CCDC83: variants seen among roughly 807,000 people sequenced by gnomAD.
CCDC83 encodes coiled-coil domain-containing protein 83.
Under a neutral mutation model 50.1 loss-of-function variants are expected in CCDC83, and 54 were observed. The observed-to-expected ratio is 1.08, with a 90% CI of 0.87 to 1.35. CCDC83 has a LOEUF of 1.35. Ranked by LOEUF, CCDC83 falls within the 40% of genes most tolerant of loss-of-function variation. The pLI is 0.00. For synonymous variants in CCDC83, 161 were observed against 153.3 expected (o/e 1.05, Z -0.37); for missense variants, 518 against 473.9 (o/e 1.09, Z -0.86).
chr11:85,919,225 A>G, intron 10 of CCDC83, 124 bp from the exon 11 acceptor site: 1 of 832,388 alleles, frequency 1.2e-6, no homozygotes. Context: ...ACACAGCATC[A>G]GGCAATTAGG....
At chr11:85,905,650 C>T (rs1237276357) in intron 7 of CCDC83, among the ~76,000 whole-genome samples, 1 of 150,398 alleles carries the variant, frequency 6.6e-6, no homozygotes, top group Non-Finnish European at 1.5e-5. Context: ...AATTTTAAAA[C>T]CTCAAGGTGA....
In CCDC83 at chr11:85,911,363, A is replaced by C. The variant is rs761771100; in HGVS notation, c.755A>C (p.Gln252Pro). The C allele has an allele frequency of 6.2e-7, 1 of 1,611,586 alleles. No individual in the cohort carries two copies. The highest frequency in any genetic ancestry group is 8.5e-7 in the Non-Finnish European group (1 of 1,178,970). Residue 252 changes from glutamine to proline, a missense_variant, in exon 8 of 11, where the codon CAA becomes CCA. Physicochemically the swap from Gln to Pro is moderately conservative, Grantham distance 76. Coordinates refer to ENST00000342404, the MANE Select transcript of CCDC83 (RefSeq NM_001286159.2). ...GCAGAAAATTTGGTGCTTATTGATC[A>C]ACTATCCAACTGTAGACTTGTGGAT... ...LEAENLVLIDQLSNCRLVDLK... is the reference protein window; with the variant it reads ...LEAENLVLIDPLSNCRLVDLK...
rs71468972 is a variant in CCDC83, at chr11:85,909,609, C to CTTTTTTT, written c.673-1647_673-1641dup. Among the ~76,000 whole-genome samples the CTTTTTTT allele has an allele frequency of 1.0e-3, 58 of 57,724 alleles. 9 individuals carry two copies. Among genetic ancestry groups the CTTTTTTT allele is most frequent in the African/African-American group, 2.5e-3 (34 of 13,838 alleles). 37.9% of individuals were successfully genotyped at this position (57,724 alleles called of 152,430 possible). A position where few individuals can be genotyped will look rare whatever the true frequency, so the allele number is the denominator to read the frequency against. On this transcript the variant is annotated intron_variant, in intron 7 of 10. Coordinates refer to ENST00000342404, the MANE Select transcript of CCDC83 (RefSeq NM_001286159.2). ...TTTGGACAAAAGTCATCAAAATACA[C>CTTTTTTT]TTTTTTTTTTTTTTTTTTTTTTTTT...
rs59315254 is a variant in CCDC83 at position 85,912,868 on chromosome 11, G to T, written c.794+1466G>T. 3 of 672,968 alleles carry T rather than the reference G, an allele frequency of 4.5e-6. No homozygotes were observed. In the South Asian group the frequency reaches 5.2e-5, roughly 12 times the overall value. 41.7% of individuals were successfully genotyped at this position (672,968 alleles called of 1,614,324 possible). A position where few individuals can be genotyped will look rare whatever the true frequency, so the allele number is the denominator to read the frequency against. On this transcript the variant is annotated intron_variant, in intron 8 of 10. Transcript: ENST00000342404. ...CCGTGTCTCTACCTGGATCAACTCAGTCTGGTATATTTGATTTTGTTCTGA... is the reference window on the plus strand; with the variant it reads ...CCGTGTCTCTACCTGGATCAACTCATTCTGGTATATTTGATTTTGTTCTGA...
rs1457152322 is a variant in CCDC83 at position 85,916,240 on chromosome 11, T to G, written c.1080+7T>G. 6.3e-7 allele frequency: 1 copy of G among 1,580,904 alleles called. No homozygotes were observed. The highest frequency in any genetic ancestry group is 8.7e-7 in the Non-Finnish European group (1 of 1,155,716). On this transcript the variant is annotated splice_region_variant and intron_variant, in intron 10 of 10. Coordinates refer to ENST00000342404, the MANE Select transcript of CCDC83 (RefSeq NM_001286159.2). Reference sequence around the variant, plus strand: ...GGATGAGAAGGATTTCAAGGTAAGATTCATAACAACACAACTTTGACTACT... The same window carrying G: ...GGATGAGAAGGATTTCAAGGTAAGAGTCATAACAACACAACTTTGACTACT...
At chr11:85,897,573 G>A (rs1303986829) in intron 6 of CCDC83, among the ~76,000 whole-genome samples, 1 of 152,118 alleles carries the variant, frequency 6.6e-6, no homozygotes, top group Non-Finnish European at 1.5e-5. Flanking sequence ...ATATTGCCCT[G>A]GGATGTTGTG....
intron 5 of CCDC83, among the ~76,000 whole-genome samples, chr11:85,888,861 T>C (rs1240758823): frequency 6.6e-6 from 1 of 152,256 alleles, no homozygotes; most frequent in African/African-American, 2.4e-5. Context: ...CATATATATC[T>C]GAATCTTATT....
chr11:85,869,856 G>A (rs2093227590), intron 2 of CCDC83, among the ~76,000 whole-genome samples: 1 of 152,218 alleles, frequency 6.6e-6, no homozygotes, highest in African/African-American at 2.4e-5. Flanking sequence ...ACCTTTTCAT[G>A]AAGCCAGAGA....
rs191408376 is a variant in CCDC83 at position 85,900,170 on chromosome 11, G to A, written c.672+1155G>A. 1.8e-4 allele frequency among the ~76,000 whole-genome samples: 27 copies of A among 152,244 alleles called. No homozygotes were observed. The East Asian group carries it at 5.0e-3, about 28-fold the overall frequency. On this transcript the variant is annotated intron_variant, in intron 7 of 10. Transcript: ENST00000342404. ...GTGTGTGCTATAGATGGTGGGAATG[G>A]GAACTGGAGCAGAAAACAAGAGGGT... is the stretch of plus-strand genomic sequence containing the variant.
chr11:85,862,095 T>C (rs1355782504), intron 1 of CCDC83, among the ~76,000 whole-genome samples: 2 of 151,658 alleles, frequency 1.3e-5, no homozygotes, highest in East Asian at 1.9e-4. Flanking sequence ...ATACACTGTG[T>C]GTTCTATAGG....
At position 85,919,420 on chromosome 11, in the gene CCDC83, T is replaced by C. The variant is rs1229413879; in HGVS notation, c.1152T>C (p.Phe384=). 3.2e-5 allele frequency: 52 copies of C among 1,613,624 alleles called. No individual in the cohort carries two copies. The highest frequency in any genetic ancestry group is 4.3e-5 in the Non-Finnish European group (51 of 1,179,712). ...AGAGCAAGAAAATGCCCATTCATTT[T>C]CAAGAGAAGGAAATTCCAGTCAAAC... The part of the protein sequence containing the change: ...SVESKKMPIH[F]QEKEIPVKLY... Residue 384 remains phenylalanine (F), a synonymous_variant, in exon 11 of 11, where the codon TTT becomes TTC. Transcript: ENST00000342404.
chr11:85,919,501 T>C lies in CCDC83; in HGVS notation c.1233T>C (p.Ser411=), dbSNP rs755500738. Reference sequence around the variant, plus strand: ...ACATCACATATAAGATGATGAAGTCTTTTCTCTAAGACGGAAAGCTGCAAA... The same window carrying C: ...ACATCACATATAAGATGATGAAGTCCTTTCTCTAAGACGGAAAGCTGCAAA... ...ESHITYKMMK[S]FL is the part of the protein sequence containing the mutation. The change falls in exon 11 of 11, where the codon TCT becomes TCC. Residue 411 remains serine, a synonymous_variant. Coordinates refer to ENST00000342404, the MANE Select transcript of CCDC83 (RefSeq NM_001286159.2). 1 of 1,606,266 alleles carries C rather than the reference T, an allele frequency of 6.2e-7. No homozygotes were observed. Among genetic ancestry groups the C allele is most frequent in the South Asian group, 1.1e-5 (1 of 89,502 alleles).
At chr11:85,884,433 C>G (rs2093316700) in intron 4 of CCDC83, among the ~76,000 whole-genome samples, 1 of 152,116 alleles carries the variant, frequency 6.6e-6, no homozygotes, top group South Asian at 2.1e-4. Context: ...TGACAAGATC[C>G]CAGGGGATTC....
intron 2 of CCDC83, among the ~76,000 whole-genome samples, chr11:85,870,373 G>T (rs988112049): frequency 6.6e-6 from 1 of 152,202 alleles, no homozygotes; most frequent in Admixed American, 6.5e-5. Flanking sequence ...CTCTACCCAT[G>T]TAAAGAAGTA....
At chr11:85,914,637 G>C (rs1225197813) in intron 8 of CCDC83, among the ~76,000 whole-genome samples, 1 of 152,176 alleles carries the variant, frequency 6.6e-6, no homozygotes, top group African/African-American at 2.4e-5. Context: ...GACCTGACTA[G>C]TGCCATGCTC....
intron 7 of CCDC83, among the ~76,000 whole-genome samples, chr11:85,905,178 C>G (rs1034393296): frequency 6.6e-6 from 1 of 151,570 alleles, no homozygotes; most frequent in South Asian, 2.1e-4. Context: ...CGCAGTGGCT[C>G]ACACCTGTAA....
At chr11:85,911,196 AG>A (rs2093451980) in intron 7 of CCDC83, 84 bp from the exon 8 acceptor site, 5 of 1,153,916 alleles carry the variant, frequency 4.3e-6, no homozygotes, top group East Asian at 3.0e-5. Context: ...AAAAAAAGAA[AG>A]AAAAAAGAAA....
chr11:85,873,314 A>T lies in CCDC83; in HGVS notation c.180+19A>T, dbSNP rs763137267. Reference sequence around the variant, plus strand: ...TGAAAGAGTGAGTATAAAATTTAGAACCTATATATAGTCATTAAATATTTA... The same window carrying T: ...TGAAAGAGTGAGTATAAAATTTAGATCCTATATATAGTCATTAAATATTTA... On this transcript the variant is annotated intron_variant, in intron 3 of 10. Transcript: ENST00000342404. 1.9e-6 allele frequency: 2 copies of T among 1,060,826 alleles called. No individual in the cohort carries two copies. Among genetic ancestry groups the T allele is most frequent in the Non-Finnish European group, 2.8e-6 (2 of 713,536 alleles). The allele number at this position is 1,060,826 out of a possible 1,614,324, so 65.7% of individuals were successfully genotyped here. A position where few individuals can be genotyped will look rare whatever the true frequency, so the allele number is the denominator to read the frequency against.
At chr11:85,907,239 T>C (rs2093430070) in intron 7 of CCDC83, among the ~76,000 whole-genome samples, 1 of 152,238 alleles carries the variant, frequency 6.6e-6, no homozygotes, top group African/African-American at 2.4e-5. Context: ...TATCTTTTTT[T>C]GTTGTTGTTT....
Sources: allele counts gnomAD v4.1 joint callset (sites outside exome capture counted in the v4.1 genomes callset), GRCh38; gene constraint gnomAD v4.1.1; transcripts MANE v1.5; gene names NCBI Gene and HGNC (gene_info 2026-07-23, HGNC 2026-07-21).